Variants in MEF2A observed in about 807,000 individuals in gnomAD.
MEF2A encodes myocyte-specific enhancer factor 2A.
Under a neutral mutation model 55.8 loss-of-function variants are expected in MEF2A, and 28 were observed. That is an observed-to-expected ratio of 0.50 (90% CI 0.37 to 0.69). MEF2A has a LOEUF of 0.69. MEF2A is among the 30% of genes least tolerant of loss of function. The probability of loss-of-function intolerance (pLI) is 0.00; values close to 1 mark genes in which losing one functional copy is unlikely to be tolerated. For synonymous variants in MEF2A, 239 were observed against 227.1 expected (o/e 1.05, Z -0.47); for missense variants, 528 against 626.2 (o/e 0.84, Z 1.67).
At chr15:99,652,165 C>T (rs1163858538) in intron 4 of MEF2A, among the ~76,000 whole-genome samples, 1 of 152,100 alleles carries the variant, frequency 6.6e-6, no homozygotes, top group Non-Finnish European at 1.5e-5. Flanking sequence ...GCAGCAGTCC[C>T]CAACCTTGTT....
intron 2 of MEF2A, among the ~76,000 whole-genome samples, chr15:99,603,369 TA>T (rs1329919738): frequency 8.9e-5 from 13 of 146,368 alleles, no homozygotes; most frequent in South Asian, 4.3e-4. Flanking sequence ...TCTGTGTTAG[TA>T]AAATTTTTTT....
intron 4 of MEF2A, among the ~76,000 whole-genome samples, chr15:99,655,920 C>T (rs1002341773): frequency 2.6e-5 from 4 of 151,890 alleles, no homozygotes; most frequent in Admixed American, 2.0e-4. Flanking sequence ...ATGAGGAAGC[C>T]GCGTCCAAAT....
chr15:99,602,470 A>C (rs939324391), intron 2 of MEF2A, among the ~76,000 whole-genome samples: 3 of 152,104 alleles, frequency 2.0e-5, no homozygotes, highest in African/African-American at 7.2e-5. Flanking sequence ...CTTAATGCGC[A>C]TGCTGGAGCC....
intron 7 of MEF2A, among the ~76,000 whole-genome samples, chr15:99,686,757 A>G (rs776650944): frequency 6.6e-6 from 1 of 152,170 alleles, no homozygotes; most frequent in Non-Finnish European, 1.5e-5. Context: ...TTGGATTTCT[A>G]GATCTCTAGT....
At chr15:99,568,192 G>T (rs533942052) in intron 1 of MEF2A, among the ~76,000 whole-genome samples, 6 of 152,174 alleles carry the variant, frequency 3.9e-5, no homozygotes, top group African/African-American at 1.4e-4. Context: ...TTAAATTCTG[G>T]GGGGTGTTCA....
At chr15:99,567,311 T>C (rs1291477573) in intron 1 of MEF2A, among the ~76,000 whole-genome samples, 1 of 152,234 alleles carries the variant, frequency 6.6e-6, no homozygotes, top group Non-Finnish European at 1.5e-5. Flanking sequence ...TTCGGGTTTT[T>C]AGCACAGTAT....
chr15:99,713,359 C>T lies in MEF2A; in HGVS notation c.*588C>T, dbSNP rs2058855544. The T allele has an allele frequency of 4.6e-6, 1 of 218,856 alleles. No homozygotes were observed. Among genetic ancestry groups the T allele is most frequent in the Admixed American group, 5.8e-5 (1 of 17,282 alleles). The allele number at this position is 218,856 out of a possible 1,614,324, so 13.6% of individuals were successfully genotyped here. On this transcript the variant is annotated 3_prime_UTR_variant, in exon 12 of 12. Coordinates refer to ENST00000557942, the MANE Select transcript of MEF2A (RefSeq NM_001319206.4). Reference sequence around the variant, plus strand: ...CAAAACAAAAAAGCCCCACACATAACTGTTTTGCACGTGCAAAAATGTATT... The same window carrying T: ...CAAAACAAAAAAGCCCCACACATAATTGTTTTGCACGTGCAAAAATGTATT...
At position 99,633,011 on chromosome 15, in the gene MEF2A, C is replaced by G; in HGVS notation, c.-109C>G. 2.4e-6 allele frequency: 2 copies of G among 843,092 alleles called. No homozygotes were observed. Among genetic ancestry groups the G allele is most frequent in the Non-Finnish European group, 3.7e-6 (2 of 538,150 alleles). 52.2% of individuals were successfully genotyped at this position (843,092 alleles called of 1,614,324 possible). On this transcript the variant is annotated 5_prime_UTR_variant, in exon 3 of 12. Transcript: ENST00000557942. ...GAAAATTTCAGCTGTAGCCCTTGGA[C>G]TAGAAGCTGAAATAACAGAAGCTGT...
chr15:99,605,563 A>G (rs572054030), intron 2 of MEF2A, among the ~76,000 whole-genome samples: 2 of 152,306 alleles, frequency 1.3e-5, no homozygotes, highest in African/African-American at 4.8e-5. Flanking sequence ...TATGCCTGAA[A>G]GGTAGACCTT....
At chr15:99,575,097 G>A (rs1170626750) in intron 1 of MEF2A, among the ~76,000 whole-genome samples, 7 of 151,882 alleles carry the variant, frequency 4.6e-5, no homozygotes, top group African/African-American at 7.3e-5. Flanking sequence ...CCATTTGAGA[G>A]GAGGTTGCAC....
chr15:99,712,175 G>A lies in MEF2A; in HGVS notation c.1137-215G>A, dbSNP rs750092805. Among the ~76,000 whole-genome samples, 9 of 152,302 alleles carry A rather than the reference G, an allele frequency of 5.9e-5. No homozygotes were observed. The highest frequency in any genetic ancestry group is 2.1e-4 in the South Asian group (1 of 4,826). On this transcript the variant is annotated intron_variant, in intron 11 of 11. Transcript: ENST00000557942. This position sits in a 1 kb window ranked among gnomAD's most constrained non-coding sequence, Gnocchi z 4.1. ...GTTGTGGGTAACAGAACCAAGTAAC[G>A]TAAGGGCTCAACGGTACTGTTTTCT...
In MEF2A at chr15:99,590,419, A is replaced by G. The variant is rs760790754; in HGVS notation, c.-224-8011A>G. The stretch of plus-strand genomic sequence containing the variant: ...TCTTGTTTTTTTACTTAATCTGACA[A>G]TCTCTACTTTTAATCTAGTATGACA... On this transcript the variant is annotated intron_variant, in intron 1 of 11. Coordinates refer to ENST00000557942, the MANE Select transcript of MEF2A (RefSeq NM_001319206.4). 2.0e-5 allele frequency among the ~76,000 whole-genome samples: 3 copies of G among 146,600 alleles called. No individual in the cohort carries two copies. In the Admixed American group the frequency reaches 2.1e-4, roughly 10 times the overall value.
intron 1 of MEF2A, among the ~76,000 whole-genome samples, chr15:99,573,139 T>C (rs994170898): frequency 2.0e-5 from 3 of 152,086 alleles, no homozygotes; most frequent in East Asian, 1.9e-4. Context: ...ATACAAAAAA[T>C]TAGCCGGGCG....
At chr15:99,689,760 C>T (rs2055014739) in intron 7 of MEF2A, among the ~76,000 whole-genome samples, 1 of 152,184 alleles carries the variant, frequency 6.6e-6, no homozygotes, top group Non-Finnish European at 1.5e-5. Flanking sequence ...GGATTACAGG[C>T]GTGAGCCACT....
chr15:99,676,437 C>T (rs34937961), intron 7 of MEF2A, among the ~76,000 whole-genome samples: 33,035 of 151,358 alleles, frequency 0.22, 4,215 homozygotes, highest in South Asian at 0.31. Context: ...GTTCAGGGCC[C>T]ACCAAGAATT....
At chr15:99,576,779 T>C (rs1001368381) in intron 1 of MEF2A, among the ~76,000 whole-genome samples, 2 of 152,054 alleles carry the variant, frequency 1.3e-5, no homozygotes, top group Non-Finnish European at 2.9e-5. Context: ...TAGCTGGGAC[T>C]ACAGGCGCCT....
rs539937500 is a variant in MEF2A, at chr15:99,623,261, A to G, written c.-142-9717A>G. Among the ~76,000 whole-genome samples the G allele has an allele frequency of 8.5e-5, 13 of 152,256 alleles. No individual in the cohort carries two copies. In the East Asian group the frequency reaches 2.5e-3, roughly 29 times the overall value. On this transcript the variant is annotated intron_variant, in intron 2 of 11. Coordinates refer to ENST00000557942, the MANE Select transcript of MEF2A (RefSeq NM_001319206.4). ...TTTCCTTCTTTTTTAATGCTGAATA[A>G]TATTCTATTGTATGTATGTACCACC...
At chr15:99,610,094 T>C (rs1301359905) in intron 2 of MEF2A, among the ~76,000 whole-genome samples, 1 of 152,110 alleles carries the variant, frequency 6.6e-6, no homozygotes, top group Non-Finnish European at 1.5e-5. Context: ...CCATCTTTTA[T>C]ATTACTGGAA....
chr15:99,637,766 C>A (rs1028220246), intron 3 of MEF2A, among the ~76,000 whole-genome samples: 1 of 152,162 alleles, frequency 6.6e-6, no homozygotes, highest in African/African-American at 2.4e-5. Flanking sequence ...CCTCAGCCTC[C>A]TGAGTAGCTG....
Sources: gnomAD v4.1 joint callset for allele counts (sites outside exome capture counted in the v4.1 genomes callset) on GRCh38, gnomAD v4.1.1 for gene constraint, Gnocchi (gnomAD v3.1) non-coding constraint, MANE v1.5 for transcripts, NCBI Gene and HGNC (gene_info 2026-07-23, HGNC 2026-07-21) for gene names.